The following TEAD4 variants were observed in gnomAD, a reference collection of about 807,000 sequenced individuals.
TEAD4 encodes the protein TEA domain transcription factor 4, also known as transcriptional enhancer factor TEF-3.
TEAD4 carries 36 observed loss-of-function variants against 52.4 expected under a neutral mutation model. The observed-to-expected ratio is 0.69, with a 90% confidence interval of 0.53 to 0.91. The LOEUF (loss-of-function observed/expected upper bound fraction) is 0.91. Ranked by LOEUF, TEAD4 falls within the 40% of genes least tolerant of loss-of-function variation. The pLI is 0.00. For missense variants in TEAD4, 508 were observed against 583.9 expected (o/e 0.87, Z 1.34); for synonymous variants, 220 against 231.0 (o/e 0.95, Z 0.43).
intron 3 of TEAD4, among the ~76,000 whole-genome samples, chr12:2,999,532 G>A (rs1251488869): frequency 6.6e-6 from 1 of 152,190 alleles, no homozygotes; most frequent in Non-Finnish European, 1.5e-5. Context: ...ATTAACACCT[G>A]CTATTTCTGA....
Position 3,035,244 on chromosome 12 carries a change from G to C in TEAD4, c.898-2724G>C, listed in dbSNP as rs146948524. ...TTTCAAAGAATCAGGATGTGTCGTA[G>C]ATGGCACATGAATGTGGCATTGATC... On this transcript the variant is annotated intron_variant, in intron 10 of 12. Coordinates refer to ENST00000359864, the MANE Select transcript of TEAD4 (RefSeq NM_003213.4). Among the ~76,000 whole-genome samples, 6 of 152,338 alleles carry C rather than the reference G, an allele frequency of 3.9e-5. No homozygotes were observed. The East Asian group carries it at 1.2e-3, about 29-fold the overall frequency.
intron 10 of TEAD4, among the ~76,000 whole-genome samples, chr12:3,026,275 C>T (rs1167187234): frequency 6.6e-6 from 1 of 152,138 alleles, no homozygotes; most frequent in East Asian, 1.9e-4. Context: ...TTAGCGATTT[C>T]CTTAATTTTG....
intron 10 of TEAD4, among the ~76,000 whole-genome samples, chr12:3,027,724 A>G (rs10774099): frequency 0.91 from 139,178 of 152,178 alleles, 64,930 homozygotes; most frequent in East Asian, 1. Context: ...AAAATTAGCC[A>G]GGCATGGTGG....
chr12:3,035,998 A>G (rs918177340), intron 10 of TEAD4, among the ~76,000 whole-genome samples: 1 of 151,976 alleles, frequency 6.6e-6, no homozygotes, highest in East Asian at 1.9e-4. Flanking sequence ...CCTGCCTACA[A>G]TGTGTCATCC....
At chr12:3,025,314 G>A (rs1251281415) in intron 10 of TEAD4, among the ~76,000 whole-genome samples, 2 of 152,142 alleles carry the variant, frequency 1.3e-5, no homozygotes, top group Non-Finnish European at 2.9e-5. Flanking sequence ...CAATTTCCTA[G>A]CTCTTGCATT....
intron 10 of TEAD4, among the ~76,000 whole-genome samples, chr12:3,034,204 GCCAGGGAGT>G (rs1219732133): frequency 4.8e-5 from 7 of 146,712 alleles, no homozygotes; most frequent in African/African-American, 1.4e-4. Context: ...GATGGGAAGA[GCCAGGGAGT>G]GGGAGCTGAT....
At chr12:2,961,775 A>G (rs774944721) in intron 2 of TEAD4, among the ~76,000 whole-genome samples, 1 of 151,524 alleles carries the variant, frequency 6.6e-6, no homozygotes, top group Non-Finnish European at 1.5e-5. Flanking sequence ...TTCAGTAAGA[A>G]CCCCTTTTTC....
At chr12:3,010,536 G>A (rs956085190) in intron 3 of TEAD4, among the ~76,000 whole-genome samples, 3 of 152,248 alleles carry the variant, frequency 2.0e-5, no homozygotes, top group Admixed American at 6.5e-5. Flanking sequence ...CCTGCAGACA[G>A]GACAAGAAGT....
At chr12:3,026,421 A>C (rs1284871168) in intron 10 of TEAD4, among the ~76,000 whole-genome samples, 1 of 152,228 alleles carries the variant, frequency 6.6e-6, no homozygotes, top group Non-Finnish European at 1.5e-5. Context: ...GTGCTGGCCC[A>C]GTGCTCCTGA....
At chr12:3,020,237 G>C (rs1261602531) in intron 8 of TEAD4, among the ~76,000 whole-genome samples, 1 of 152,238 alleles carries the variant, frequency 6.6e-6, no homozygotes, top group East Asian at 1.9e-4. Context: ...TCTCCGGGAT[G>C]ATGCCATATT....
At chr12:3,032,845 G>C (rs1279812567) in intron 10 of TEAD4, among the ~76,000 whole-genome samples, 1 of 152,214 alleles carries the variant, frequency 6.6e-6, no homozygotes, top group Non-Finnish European at 1.5e-5. Flanking sequence ...CATATGTGAC[G>C]GGGAAAGGTA....
chr12:2,973,528 T>C (rs1297381811), intron 2 of TEAD4, among the ~76,000 whole-genome samples: 1 of 152,210 alleles, frequency 6.6e-6, no homozygotes, highest in Non-Finnish European at 1.5e-5. Context: ...TCCTGAGCTG[T>C]GGCCTTTCTC....
chr12:2,981,593 A>G (rs1040679974), intron 2 of TEAD4, among the ~76,000 whole-genome samples: 2 of 152,264 alleles, frequency 1.3e-5, no homozygotes, highest in African/African-American at 4.8e-5. Flanking sequence ...TCCCATCCCC[A>G]TCTGAAGTCT....
chr12:2,987,368 A>G (rs1197702000), intron 2 of TEAD4, among the ~76,000 whole-genome samples: 1 of 150,586 alleles, frequency 6.6e-6, no homozygotes, highest in African/African-American at 2.4e-5. Context: ...AAGACTACAG[A>G]CTCCTCCTGC....
intron 10 of TEAD4, among the ~76,000 whole-genome samples, chr12:3,024,434 G>A (rs777676467): frequency 1.5e-4 from 23 of 152,178 alleles, no homozygotes; most frequent in Admixed American, 1.2e-3. Context: ...AGCACTTTGG[G>A]AGCCCAACGT....
At chr12:2,975,268 C>T (rs985404041) in intron 2 of TEAD4, among the ~76,000 whole-genome samples, 1 of 151,746 alleles carries the variant, frequency 6.6e-6, no homozygotes, top group African/African-American at 2.4e-5. Context: ...ATTCTTGCCC[C>T]GCCCCCAGTC....
Position 2,994,911 on chromosome 12 carries a change from C to G in TEAD4, c.145C>G (p.Gln49Glu). The G allele has an allele frequency of 3.7e-6, 6 of 1,614,194 alleles. No individual in the cohort carries two copies. The highest frequency in any genetic ancestry group is 5.1e-6 in the Non-Finnish European group (6 of 1,180,040). Reference sequence around the variant, plus strand: ...GGGCGTGTGGAGCCCGGATATTGAGCAGAGTTTCCAGGAGGCCCTCGCCAT... The same window carrying G: ...GGGCGTGTGGAGCCCGGATATTGAGGAGAGTTTCCAGGAGGCCCTCGCCAT... The change falls in exon 3 of 13, where the codon CAG (glutamine) becomes GAG (glutamate). Residue 49 changes from glutamine to glutamate, a missense_variant. By Grantham distance (29) the Gln-to-Glu change is conservative (BLOSUM62 2). Coordinates refer to ENST00000359864, the MANE Select transcript of TEAD4 (RefSeq NM_003213.4). This position sits in a 1 kb window ranked among gnomAD's most constrained non-coding sequence, Gnocchi z 4.7.
At chr12:3,031,705 C>T (rs1441973259) in intron 10 of TEAD4, among the ~76,000 whole-genome samples, 1 of 151,966 alleles carries the variant, frequency 6.6e-6, no homozygotes, top group Admixed American at 6.6e-5. Flanking sequence ...ACGTCTCATC[C>T]TCACCACAGC....
At chr12:2,967,068 A>G (rs1314130357) in intron 2 of TEAD4, among the ~76,000 whole-genome samples, 2 of 152,216 alleles carry the variant, frequency 1.3e-5, no homozygotes, top group African/African-American at 4.8e-5. Flanking sequence ...CCAGGGTTCA[A>G]AATCATCTCA....
Sources: gnomAD v4.1 joint callset for allele counts (sites outside exome capture counted in the v4.1 genomes callset) on GRCh38, gnomAD v4.1.1 for gene constraint, Gnocchi (gnomAD v3.1) non-coding constraint, MANE v1.5 for transcripts, NCBI Gene and HGNC (gene_info 2026-07-23, HGNC 2026-07-21) for gene names.